Variants in NTRK3 observed in about 807,000 individuals in gnomAD.
NTRK3 encodes the protein neurotrophic receptor tyrosine kinase 3.
In NTRK3, 24 loss-of-function variants were observed where a neutral mutation model predicts 91.7. The observed-to-expected ratio is 0.26, with a 90% CI of 0.19 to 0.37. The LOEUF (loss-of-function observed/expected upper bound fraction) is 0.37, where lower values mean the gene tolerates loss of function less well. Ranked by LOEUF, NTRK3 falls within the 10% of genes least tolerant of loss-of-function variation. NTRK3 has a pLI of 1.00. For missense variants in NTRK3, 880 were observed against 1,068.9 expected, an observed-to-expected ratio of 0.82 and a Z score of 2.46; for synonymous variants, 483 against 404.0, an observed-to-expected ratio of 1.20 and a Z score of -2.34.
chr15:87,909,324 C>A (rs1423636133), intron 17 of NTRK3, among the ~76,000 whole-genome samples: 1 of 152,118 alleles, frequency 6.6e-6, no homozygotes, highest in Non-Finnish European at 1.5e-5. Flanking sequence ...TTAGCAATGG[C>A]ATTTCTCAAG....
chr15:88,014,731 T>C (rs1002361353), intron 14 of NTRK3, among the ~76,000 whole-genome samples: 2 of 152,220 alleles, frequency 1.3e-5, no homozygotes, highest in African/African-American at 4.8e-5. Context: ...TCTTGGATGC[T>C]TCCCCGCCTA....
At chr15:88,119,379 T>C (rs1319314105) in intron 13 of NTRK3, among the ~76,000 whole-genome samples, 1 of 152,240 alleles carries the variant, frequency 6.6e-6, no homozygotes, top group Non-Finnish European at 1.5e-5. Context: ...ATTTATGTCC[T>C]GCCTGTGGAT....
chr15:87,953,711 G>T (rs1022280686), intron 14 of NTRK3, among the ~76,000 whole-genome samples: 22 of 152,158 alleles, frequency 1.4e-4, no homozygotes, highest in Admixed American at 1.1e-3. Flanking sequence ...CCCAAAAGGA[G>T]CCATCCTTCT....
At chr15:88,190,521 T>G (rs2047301377) in intron 3 of NTRK3, among the ~76,000 whole-genome samples, 3 of 152,224 alleles carry the variant, frequency 2.0e-5, no homozygotes, top group Admixed American at 2.0e-4. Context: ...GACTTCCTAT[T>G]CCAACGGTTA....
At position 87,921,047 on chromosome 15, in the gene NTRK3, C is replaced by T. The variant is rs2067828466; in HGVS notation, c.2133+8144G>A. Among the ~76,000 whole-genome samples, 5 of 152,290 alleles carry T rather than the reference C, an allele frequency of 3.3e-5. No homozygotes were observed. In the South Asian group the frequency reaches 1.0e-3, roughly 32 times the overall value. The stretch of plus-strand genomic sequence containing the variant: ...CATACGATGCCAACAGGAGGAAAAA[C>T]TGAGTGAAGGATATATGGGAATTCT... On this transcript the variant is annotated intron_variant, in intron 17 of 18. Transcript: ENST00000394480.
Position 88,237,715 on chromosome 15 carries a change from T to C in NTRK3, c.248+18191A>G, listed in dbSNP as rs1216473146. Among the ~76,000 whole-genome samples the C allele has an allele frequency of 6.6e-6, 1 of 151,982 alleles. No individual in the cohort carries two copies. Among genetic ancestry groups the C allele is most frequent in the African/African-American group, 2.4e-5 (1 of 41,358 alleles). The stretch of plus-strand genomic sequence containing the variant: ...CTTCCACAGGGCTCTCTTGCTTACA[T>C]GACCGACTAAGCAGACACTTTGGGC... On this transcript the variant is annotated intron_variant, in intron 3 of 18. Coordinates refer to ENST00000394480, the Ensembl canonical transcript of NTRK3. This position sits in a 1 kb window ranked among gnomAD's most constrained non-coding sequence, Gnocchi z 4.0.
At chr15:88,113,628 T>A (rs1476741611) in intron 13 of NTRK3, among the ~76,000 whole-genome samples, 1 of 152,092 alleles carries the variant, frequency 6.6e-6, no homozygotes, top group Non-Finnish European at 1.5e-5. Flanking sequence ...ACTTTTTTTT[T>A]AAGGGTAACA....
chr15:88,230,503 CA>C lies in NTRK3; in HGVS notation c.248+25402del, dbSNP rs1456873074. Among the ~76,000 whole-genome samples the C allele has an allele frequency of 9.2e-5, 14 of 152,194 alleles. No homozygotes were observed. The East Asian group carries it at 2.7e-3, about 29-fold the overall frequency. ...TCATTGCCTTCTCTGTAAAATGGAACAAAAAAATCTGGCCAGCTTTCCTCAA... is the reference window on the plus strand; with the variant it reads ...TCATTGCCTTCTCTGTAAAATGGAACAAAAAATCTGGCCAGCTTTCCTCAA... On this transcript the variant is annotated intron_variant, in intron 3 of 18. Transcript: ENST00000394480.
At chr15:87,941,100 T>A (rs922342358) in intron 14 of NTRK3, among the ~76,000 whole-genome samples, 3 of 152,140 alleles carry the variant, frequency 2.0e-5, no homozygotes, top group African/African-American at 7.2e-5. Context: ...TTTGTGCACA[T>A]GAATCCCCTG....
chr15:87,945,191 C>A (rs1042409860), intron 14 of NTRK3, among the ~76,000 whole-genome samples: 38 of 152,174 alleles, frequency 2.5e-4, no homozygotes, highest in Non-Finnish European at 1.9e-4. Context: ...GGGAAGGGTT[C>A]TTTGGAAAAT....
At chr15:88,201,428 G>T (rs972012762) in intron 3 of NTRK3, among the ~76,000 whole-genome samples, 2 of 152,162 alleles carry the variant, frequency 1.3e-5, no homozygotes, top group African/African-American at 4.8e-5. Flanking sequence ...TGCAATTCAA[G>T]AATTCAAAAC....
At chr15:88,209,154 C>T (rs1312189441) in intron 3 of NTRK3, among the ~76,000 whole-genome samples, 2 of 152,184 alleles carry the variant, frequency 1.3e-5, no homozygotes, top group Non-Finnish European at 2.9e-5. Flanking sequence ...AAAAAGAAGA[C>T]AGTGACGAAG....
rs377034101 is a variant in NTRK3, at chr15:88,102,299, T to C, written c.1396+23972A>G. On this transcript the variant is annotated intron_variant, in intron 13 of 18. Coordinates refer to ENST00000394480, the Ensembl canonical transcript of NTRK3. ...TGAATTGCTAGATTTGAATTAAGCATATTTTTGGTATATTTAGTTATACCA... is the reference window on the plus strand; with the variant it reads ...TGAATTGCTAGATTTGAATTAAGCACATTTTTGGTATATTTAGTTATACCA... Among the ~76,000 whole-genome samples, 6 of 152,350 alleles carry C rather than the reference T, an allele frequency of 3.9e-5. No individual in the cohort carries two copies. The East Asian group carries it at 5.8e-4, about 15-fold the overall frequency.
chr15:88,254,298 TG>T (rs1347352616), intron 3 of NTRK3, among the ~76,000 whole-genome samples: 1 of 152,162 alleles, frequency 6.6e-6, no homozygotes, highest in Non-Finnish European at 1.5e-5. Context: ...CCTGCATCCT[TG>T]GGAATGCTGG....
intron 17 of NTRK3, among the ~76,000 whole-genome samples, chr15:87,888,871 A>T (rs2065694002): frequency 6.6e-6 from 1 of 152,138 alleles, no homozygotes; most frequent in Non-Finnish European, 1.5e-5. Flanking sequence ...GGAAGTTGAC[A>T]TTATGCTCCA....
chr15:88,249,984 T>G (rs1209966527), intron 3 of NTRK3, among the ~76,000 whole-genome samples: 1 of 152,084 alleles, frequency 6.6e-6, no homozygotes, highest in Non-Finnish European at 1.5e-5. Context: ...GAAAAAAACT[T>G]CCTAGATGAA....
rs3045935 is a variant in NTRK3, at chr15:88,180,681, T to TAAAAAA, written c.395+2731_395+2736dup. On this transcript the variant is annotated intron_variant, in intron 5 of 18. Transcript: ENST00000394480. ...AGAAAAGACTTCTCAGCCATTACCC[T>TAAAAAA]AAAAAAAAAAAAAAAAAAAGCCACC... Among the ~76,000 whole-genome samples the TAAAAAA allele has an allele frequency of 2.8e-5, 3 of 107,802 alleles. 1 individual carries two copies. Among genetic ancestry groups the TAAAAAA allele is most frequent in the African/African-American group, 6.7e-5 (2 of 29,848 alleles). The allele number at this position is 107,802 out of a possible 152,430, so 70.7% of individuals were successfully genotyped here.
chr15:88,246,725 C>T (rs182299220), intron 3 of NTRK3, among the ~76,000 whole-genome samples: 35 of 152,356 alleles, frequency 2.3e-4, no homozygotes, highest in Admixed American at 7.2e-4. Context: ...CCAGCCACCT[C>T]CTTCCCAGGA....
chr15:88,156,057 C>T (rs2043867864), intron 5 of NTRK3, among the ~76,000 whole-genome samples: 1 of 152,162 alleles, frequency 6.6e-6, no homozygotes, highest in Admixed American at 6.5e-5. Context: ...AAGCAGTCAA[C>T]AGGTAGAAAA....
Sources: gnomAD v4.1 joint callset for allele counts (sites outside exome capture counted in the v4.1 genomes callset) on GRCh38, gnomAD v4.1.1 for gene constraint, Gnocchi (gnomAD v3.1) non-coding constraint, MANE v1.5 for transcripts, NCBI Gene and HGNC (gene_info 2026-07-23, HGNC 2026-07-21) for gene names.